The following RIMS2 variants were observed in gnomAD, a reference collection of about 807,000 sequenced individuals.
RIMS2 encodes regulating synaptic membrane exocytosis 2.
In RIMS2, 59 loss-of-function variants were observed where a neutral mutation model predicts 174.4. The observed-to-expected ratio is 0.34, with a 90% CI of 0.27 to 0.42. The LOEUF is 0.42. RIMS2 is among the 10% of genes least tolerant of loss of function. The pLI is 1.00. For synonymous variants in RIMS2, 606 were observed against 572.5 expected (o/e 1.06, Z -0.84); for missense variants, 1,620 against 1,666.3 (o/e 0.97, Z 0.48).
intron 19 of RIMS2, among the ~76,000 whole-genome samples, chr8:104,133,363 C>T (rs77953072): frequency 0.013 from 1,933 of 152,166 alleles, 45 homozygotes; most frequent in African/African-American, 0.045. Context: ...GAGTGGGATC[C>T]TGAGGTCCTG....
chr8:103,552,280 C>G (rs945184065), intron 1 of RIMS2, among the ~76,000 whole-genome samples: 5 of 151,944 alleles, frequency 3.3e-5, no homozygotes, highest in Non-Finnish European at 5.9e-5. Context: ...CAGAACAGAG[C>G]CCTCAGAAAT....
chr8:104,083,607 T>G (rs968006435), intron 19 of RIMS2, among the ~76,000 whole-genome samples: 9 of 152,228 alleles, frequency 5.9e-5, no homozygotes, highest in Non-Finnish European at 1.2e-4. Flanking sequence ...GTAGATCTTA[T>G]GGGTTTCTGA....
At chr8:104,177,590 T>A (rs2098911320) in intron 19 of RIMS2, among the ~76,000 whole-genome samples, 1 of 152,078 alleles carries the variant, frequency 6.6e-6, no homozygotes, top group African/African-American at 2.4e-5. Context: ...TTCAAATCGA[T>A]CACATAGGCA....
intron 1 of RIMS2, among the ~76,000 whole-genome samples, chr8:103,549,329 G>T (rs1338447121): frequency 2.6e-5 from 4 of 152,168 alleles, no homozygotes; most frequent in Non-Finnish European, 4.4e-5. Flanking sequence ...CAATCTTAAA[G>T]AAAAGAATTT....
At chr8:103,779,792 T>C (rs2098365528) in intron 3 of RIMS2, among the ~76,000 whole-genome samples, 1 of 148,152 alleles carries the variant, frequency 6.7e-6, no homozygotes. Flanking sequence ...TTAGGAGATA[T>C]ACCTAATGTA....
intron 3 of RIMS2, among the ~76,000 whole-genome samples, chr8:103,780,335 T>G (rs369112251): frequency 6.6e-6 from 1 of 152,218 alleles, no homozygotes; most frequent in East Asian, 1.9e-4. Context: ...AGCTTTTACC[T>G]TTTGCTCTTG....
intron 2 of RIMS2, among the ~76,000 whole-genome samples, chr8:103,745,649 A>T (rs1361230606): frequency 6.6e-6 from 1 of 152,196 alleles, no homozygotes; most frequent in African/African-American, 2.4e-5. Context: ...CTTTTAAAAA[A>T]TGACATATAT....
intron 19 of RIMS2, among the ~76,000 whole-genome samples, chr8:104,186,564 C>T (rs753613376): frequency 2.0e-5 from 3 of 151,654 alleles, no homozygotes. Flanking sequence ...TTAGTAGCTC[C>T]CTTTGTCTAT....
chr8:103,992,607 G>C (rs1565728476), intron 17 of RIMS2, among the ~76,000 whole-genome samples: 1 of 152,052 alleles, frequency 6.6e-6, no homozygotes, highest in Non-Finnish European at 1.5e-5. Flanking sequence ...GGTTAAACTT[G>C]GGTGGTGTAA....
chr8:104,057,282 A>G (rs887229166), intron 19 of RIMS2, among the ~76,000 whole-genome samples: 3 of 151,516 alleles, frequency 2.0e-5, no homozygotes, highest in African/African-American at 7.3e-5. Flanking sequence ...TGCCTAGGCT[A>G]TTTGCAAACT....
intron 1 of RIMS2, among the ~76,000 whole-genome samples, chr8:103,563,293 A>G (rs1587827654): frequency 6.6e-6 from 1 of 152,302 alleles, no homozygotes; most frequent in African/African-American, 2.4e-5. Context: ...TGCCTTTAAC[A>G]GCACCCAAGT....
chr8:103,791,429 A>G (rs1284905816), intron 3 of RIMS2, among the ~76,000 whole-genome samples: 3 of 152,200 alleles, frequency 2.0e-5, no homozygotes, highest in Non-Finnish European at 4.4e-5. Flanking sequence ...AGCACTAAAC[A>G]TGAAAAGGAA....
At chr8:103,688,772 T>C (rs144146604) in intron 1 of RIMS2, among the ~76,000 whole-genome samples, 21 of 152,192 alleles carry the variant, frequency 1.4e-4, no homozygotes, top group Non-Finnish European at 2.6e-4. Context: ...CATTTAGAGC[T>C]AAAAGCTTGT....
intron 19 of RIMS2, among the ~76,000 whole-genome samples, chr8:104,055,730 A>G (rs1211646056): frequency 6.6e-6 from 1 of 152,212 alleles, no homozygotes; most frequent in Admixed American, 6.5e-5. Flanking sequence ...AAATGTATAT[A>G]GTGAAGCATT....
intron 4 of RIMS2, among the ~76,000 whole-genome samples, chr8:103,896,995 A>G (rs1458300078): frequency 2.6e-5 from 4 of 151,680 alleles, no homozygotes; most frequent in Admixed American, 1.3e-4. Flanking sequence ...ACTGGGAGAC[A>G]TGGTTTGTTC....
chr8:104,250,050 T>A (rs2099354097), intron 22 of RIMS2, among the ~76,000 whole-genome samples: 1 of 152,226 alleles, frequency 6.6e-6, no homozygotes, highest in African/African-American at 2.4e-5. Flanking sequence ...ATAAGACTTT[T>A]ACTTCCTATA....
intron 19 of RIMS2, among the ~76,000 whole-genome samples, chr8:104,194,221 C>T (rs2099012250): frequency 6.6e-6 from 1 of 151,944 alleles, no homozygotes; most frequent in Non-Finnish European, 1.5e-5. Context: ...TATGATTTCT[C>T]TGTAATCTTC....
At chr8:103,852,043 C>T (rs1593805896) in intron 3 of RIMS2, among the ~76,000 whole-genome samples, 1 of 151,988 alleles carries the variant, frequency 6.6e-6, no homozygotes, top group East Asian at 1.9e-4. Flanking sequence ...TTCTCCCTTA[C>T]TCCAAGACGG....
chr8:104,136,387 T>C (rs888698448), intron 19 of RIMS2, among the ~76,000 whole-genome samples: 2 of 152,186 alleles, frequency 1.3e-5, no homozygotes, highest in African/African-American at 4.8e-5. Context: ...GAATTTCCAA[T>C]TTTAAGAATT....
Sources: allele counts gnomAD v4.1 joint callset (sites outside exome capture counted in the v4.1 genomes callset), GRCh38; gene constraint gnomAD v4.1.1; transcripts MANE v1.5; gene names NCBI Gene and HGNC (gene_info 2026-07-23, HGNC 2026-07-21).